Variants in FREM3 observed in about 807,000 individuals in gnomAD.
FREM3 encodes FRAS1-related extracellular matrix protein 3.
A neutral mutation model predicts 129.1 loss-of-function variants in FREM3; 105 were observed. The observed-to-expected ratio is 0.81, with a 90% CI of 0.69 to 0.96. The LOEUF (loss-of-function observed/expected upper bound fraction) is 0.96, where lower values mean the gene tolerates loss of function less well. Ranked by LOEUF, FREM3 falls within the 40% of genes least tolerant of loss-of-function variation. The probability of loss-of-function intolerance (pLI) is 0.00; values close to 1 mark genes in which losing one functional copy is unlikely to be tolerated. For synonymous variants in FREM3, 1,014 were observed against 1,044.9 expected, an observed-to-expected ratio of 0.97 and a Z score of 0.57; for missense variants, 2,593 against 2,666.3, an observed-to-expected ratio of 0.97 and a Z score of 0.61.
intron 6 of FREM3, among the ~76,000 whole-genome samples, chr4:143,595,863 G>C (rs1439077225): frequency 1.5e-5 from 2 of 129,130 alleles, no homozygotes; most frequent in East Asian, 4.1e-4. Context: ...ACTCCAGTCT[G>C]GGCGACAGAG....
chr4:143,630,977 G>T (rs575587544), intron 2 of FREM3, among the ~76,000 whole-genome samples: 2 of 152,016 alleles, frequency 1.3e-5, no homozygotes, highest in African/African-American at 4.8e-5. Context: ...ACATGTATTG[G>T]CCAGAAAAAA....
rs11302181 is a variant in FREM3 at position 143,691,418 on chromosome 4, TAA to T, written c.5275+1693_5275+1694del. Among the ~76,000 whole-genome samples, 306 of 149,930 alleles carry T rather than the reference TAA, an allele frequency of 2.0e-3. 2 individuals are homozygous for T. Among genetic ancestry groups the T allele is most frequent in the African/African-American group, 7.3e-3 (299 of 40,832 alleles). ...TACCACCAAAAACTTATGGAAAAAT[TAA>T]AAAAAAAAGAAAGTGCAGCCTTGTC... On this transcript the variant is annotated intron_variant, in intron 2 of 7. Coordinates refer to ENST00000329798, the MANE Select transcript of FREM3 (RefSeq NM_001168235.2).
At chr4:143,600,896 G>A (rs1738559817) in intron 6 of FREM3, among the ~76,000 whole-genome samples, 1 of 151,648 alleles carries the variant, frequency 6.6e-6, no homozygotes, top group African/African-American at 2.4e-5. Context: ...CATTTCTATT[G>A]CAAGCAAGGG....
chr4:143,625,437 G>A (rs1404030100), intron 3 of FREM3, among the ~76,000 whole-genome samples: 2 of 152,184 alleles, frequency 1.3e-5, no homozygotes, highest in East Asian at 1.9e-4. Context: ...AAAGATACCC[G>A]AAGCTATAGA....
intron 1 of FREM3, among the ~76,000 whole-genome samples, chr4:143,694,367 A>G (rs140297947): frequency 6.6e-6 from 1 of 152,358 alleles, no homozygotes; most frequent in East Asian, 1.9e-4. Flanking sequence ...GAATTTAAAC[A>G]AGAATAATTA....
At chr4:143,686,029 C>T (rs776292934) in intron 2 of FREM3, among the ~76,000 whole-genome samples, 7 of 151,892 alleles carry the variant, frequency 4.6e-5, no homozygotes, top group Non-Finnish European at 1.0e-4. Context: ...GATACAGAAC[C>T]GCAGAATGGA....
Position 143,696,909 on chromosome 4 carries a change from G to T in FREM3, c.3767C>A (p.Thr1256Asn). The part of the protein sequence containing the change: ...ATGSQPIHSF[T>N]LKEIQEASTI... ...GGAGGCCTCCTGGATCTCCTTGAGGGTGAAGCTGTGGATGGGCTGGCTGCC... is the reference window on the plus strand; with the variant it reads ...GGAGGCCTCCTGGATCTCCTTGAGGTTGAAGCTGTGGATGGGCTGGCTGCC... The change falls in exon 1 of 8, where the codon ACC becomes AAC. Residue 1256 changes from threonine (T) to asparagine (N), a missense_variant. Transcript: ENST00000329798. The T allele has an allele frequency of 1.3e-6, 2 of 1,537,706 alleles. No individual in the cohort carries two copies. The highest frequency in any genetic ancestry group is 1.7e-6 in the Non-Finnish European group (2 of 1,147,022).
rs529050513 is a variant in FREM3 at position 143,623,498 on chromosome 4, C to G, written c.5653+610G>C. On this transcript the variant is annotated intron_variant, in intron 4 of 7. Coordinates refer to ENST00000329798, the MANE Select transcript of FREM3 (RefSeq NM_001168235.2). The stretch of plus-strand genomic sequence containing the variant: ...AATTCAAAGATGAATACTAATCCCC[C>G]CCCCCCCCCACCATTTAGGGAATAT... Among the ~76,000 whole-genome samples the G allele has an allele frequency of 3.9e-3, 491 of 127,510 alleles. 26 individuals carry two copies. The highest frequency in any genetic ancestry group is 0.019 in the Middle Eastern group (5 of 266). The allele number at this position is 127,510 out of a possible 152,430, so 83.7% of individuals were successfully genotyped here.
chr4:143,602,011 T>C (rs1182959186), intron 6 of FREM3: 4 of 152,148 alleles, frequency 2.6e-5, no homozygotes, highest in Non-Finnish European at 4.4e-5. Flanking sequence ...TTTAGGTTGC[T>C]AGATACTGTG....
intron 2 of FREM3, among the ~76,000 whole-genome samples, chr4:143,674,623 C>T (rs1441866250): frequency 6.6e-6 from 1 of 152,196 alleles, no homozygotes; most frequent in East Asian, 1.9e-4. Flanking sequence ...CACGACCCAT[C>T]AGTGTGCTGT....
At chr4:143,583,819 T>C (rs1278292154) in intron 7 of FREM3, among the ~76,000 whole-genome samples, 1 of 152,114 alleles carries the variant, frequency 6.6e-6, no homozygotes. Context: ...GCACTAAATA[T>C]GGAAATGAAA....
At position 143,697,557 on chromosome 4, in the gene FREM3, G is replaced by C. The variant is rs1355176960; in HGVS notation, c.3119C>G (p.Ser1040Cys). ...KQHDAFSLIL[S>C]KDSYQWVVGN... is the part of the protein sequence containing the mutation. ...CACTACCCATTGGTAAGAATCTTTG[G>C]AGAGGATGAGGCTGAAGGCATCGTG... The change falls in exon 1 of 8, where the codon TCC becomes TGC. Residue 1040 changes from serine to cysteine, a missense_variant. By Grantham distance (112) the Ser-to-Cys change is moderately radical. Transcript: ENST00000329798. 1.3e-6 allele frequency: 2 copies of C among 1,537,408 alleles called. No individual in the cohort carries two copies. Among genetic ancestry groups the C allele is most frequent in the Non-Finnish European group, 1.7e-6 (2 of 1,146,958 alleles).
Position 143,596,317 on chromosome 4 carries a change from A to G in FREM3, c.6029-10324T>C, listed in dbSNP as rs185552684. On this transcript the variant is annotated intron_variant, in intron 6 of 7. Transcript: ENST00000329798. ...TGCAACCCATTAGAAAGGTATTGCA[A>G]TTATTCATGTGAGACATGATGATGA... is the stretch of plus-strand genomic sequence containing the variant. Among the ~76,000 whole-genome samples the G allele has an allele frequency of 1.8e-4, 27 of 152,354 alleles. No individual in the cohort carries two copies. In the East Asian group the frequency reaches 5.0e-3, roughly 28 times the overall value.
chr4:143,683,403 C>A (rs1560871452), intron 2 of FREM3, among the ~76,000 whole-genome samples: 1 of 152,190 alleles, frequency 6.6e-6, no homozygotes, highest in Admixed American at 6.5e-5. Context: ...TAAACACACA[C>A]CCCCATTGGA....
intron 2 of FREM3, among the ~76,000 whole-genome samples, chr4:143,655,099 G>T (rs1042384309): frequency 6.6e-6 from 1 of 152,122 alleles, no homozygotes; most frequent in Admixed American, 6.5e-5. Context: ...GCAGCAGAAA[G>T]GATCTGTAAT....
intron 6 of FREM3, among the ~76,000 whole-genome samples, chr4:143,588,589 C>A (rs1738289145): frequency 6.6e-6 from 1 of 152,072 alleles, no homozygotes; most frequent in Non-Finnish European, 1.5e-5. Context: ...TTTTTTATGG[C>A]TGCATAGTAC....
intron 1 of FREM3, among the ~76,000 whole-genome samples, chr4:143,695,270 G>A (rs557207796): frequency 6.6e-6 from 1 of 152,310 alleles, no homozygotes; most frequent in South Asian, 2.1e-4. Context: ...ACAACTTTAT[G>A]AAATATCTGT....
At chr4:143,616,509 G>A (rs575926643) in intron 5 of FREM3, among the ~76,000 whole-genome samples, 6 of 152,228 alleles carry the variant, frequency 3.9e-5, no homozygotes, top group Admixed American at 2.6e-4. Context: ...ACTTTTGGCC[G>A]GGCGCAGTGG....
chr4:143,587,203 C>G (rs576021272), intron 6 of FREM3, among the ~76,000 whole-genome samples: 1 of 152,206 alleles, frequency 6.6e-6, no homozygotes, highest in East Asian at 1.9e-4. Context: ...GTTCTCTGAG[C>G]TGGAATGTGC....
Sources: gnomAD v4.1 joint callset for allele counts (sites outside exome capture counted in the v4.1 genomes callset) on GRCh38, gnomAD v4.1.1 for gene constraint, MANE v1.5 for transcripts, NCBI Gene and HGNC (gene_info 2026-07-23, HGNC 2026-07-21) for gene names.